Variants in FRMD3 observed in about 807,000 individuals in gnomAD.
FRMD3 encodes the protein FERM domain-containing protein 3.
In FRMD3, 33 loss-of-function variants were observed where a neutral mutation model predicts 70.2. That is an observed-to-expected ratio of 0.47 (90% confidence interval 0.36 to 0.63). The LOEUF is 0.63. FRMD3 is among the 20% of genes least tolerant of loss of function. The probability of loss-of-function intolerance (pLI) is 0.00; values close to 1 mark genes in which losing one functional copy is unlikely to be tolerated. For synonymous variants in FRMD3, 279 were observed against 255.9 expected (o/e 1.09, Z -0.86); for missense variants, 632 against 711.4 (o/e 0.89, Z 1.27).
At position 83,538,400 on chromosome 9, in the gene FRMD3, G is replaced by GCGGGCGGGTCCCTC. The variant is rs536402490; in HGVS notation, c.-170_-169insGAGGGACCCGCCCG. The GCGGGCGGGTCCCTC allele has an allele frequency of 2.7e-3, 1,282 of 475,314 alleles. 13 individuals carry two copies. The East Asian group carries it at 0.03, about 11-fold the overall frequency. 29.4% of individuals were successfully genotyped at this position (475,314 alleles called of 1,614,324 possible). A position where few individuals can be genotyped will look rare whatever the true frequency, so the allele number is the denominator to read the frequency against. The stretch of plus-strand genomic sequence containing the variant: ...ACACATGCCCAGCGGCCGGGGCGCG[G>GCGGGCGGGTCCCTC]CGGGCGGGTCCCTCCCTCTGTTCGC... On this transcript the variant is annotated 5_prime_UTR_variant, in exon 1 of 14. Transcript: ENST00000304195. The surrounding 1 kb of genome is among the most constrained non-coding windows in gnomAD (Gnocchi z 4.7).
At chr9:83,411,505 G>C (rs867135248) in intron 1 of FRMD3, among the ~76,000 whole-genome samples, 23 of 152,174 alleles carry the variant, frequency 1.5e-4, no homozygotes, top group African/African-American at 5.1e-4. Context: ...CATCCCTTGG[G>C]GGAAGAAAGA....
intron 1 of FRMD3, among the ~76,000 whole-genome samples, chr9:83,509,105 A>G (rs758692463): frequency 2.0e-5 from 3 of 151,926 alleles, no homozygotes; most frequent in African/African-American, 7.3e-5. Flanking sequence ...CTTCAGGAGA[A>G]TGTAAGCTCC....
chr9:83,353,678 T>C (rs1824238857), intron 3 of FRMD3, among the ~76,000 whole-genome samples: 1 of 152,214 alleles, frequency 6.6e-6, no homozygotes, highest in African/African-American at 2.4e-5. Context: ...GAAAAGTTTG[T>C]CATCTGGATC....
intron 3 of FRMD3, among the ~76,000 whole-genome samples, chr9:83,372,710 G>A (rs1587786411): frequency 6.6e-6 from 1 of 152,056 alleles, no homozygotes; most frequent in East Asian, 1.9e-4. Flanking sequence ...GAGAGGCCCA[G>A]GAGACTATAG....
At chr9:83,560,079 A>G in the FRMD3 span, among the ~76,000 whole-genome samples, 1 of 152,188 alleles carries the variant, frequency 6.6e-6, no homozygotes, top group African/African-American at 2.4e-5. Flanking sequence ...TGTCCACCAA[A>G]ATACATTATC....
intron 7 of FRMD3, 118 bp downstream of exon 7, chr9:83,313,542 G>T (rs1835444606): frequency 2.1e-5 from 16 of 768,890 alleles, no homozygotes; most frequent in Non-Finnish European, 3.6e-5. Context: ...TTCCAATGAG[G>T]GACCGTGGGC....
intron 1 of FRMD3, among the ~76,000 whole-genome samples, chr9:83,477,651 C>T (rs1352955511): frequency 6.6e-6 from 1 of 152,132 alleles, no homozygotes; most frequent in Non-Finnish European, 1.5e-5. Flanking sequence ...TTTGTCTCAT[C>T]CCCTAGGATT....
chr9:83,313,859 T>A, intron 6 of FRMD3, 112 bp from the exon 7 acceptor site: 1 of 773,956 alleles, frequency 1.3e-6, no homozygotes, highest in Non-Finnish European at 2.2e-6. Flanking sequence ...GAAAAACCCT[T>A]ACATAAATAG....
At chr9:83,464,847 G>A (rs780514328) in intron 1 of FRMD3, among the ~76,000 whole-genome samples, 4 of 151,856 alleles carry the variant, frequency 2.6e-5, no homozygotes, top group African/African-American at 9.7e-5. Context: ...AGCGAAACCC[G>A]ATCTCTACTA....
At chr9:83,399,767 C>G (rs1052664692) in intron 1 of FRMD3, among the ~76,000 whole-genome samples, 2 of 152,020 alleles carry the variant, frequency 1.3e-5, no homozygotes, top group East Asian at 3.8e-4. Context: ...AAATAACTTC[C>G]TCAACTTGAT....
At chr9:83,279,423 G>A (rs1218053452) in intron 13 of FRMD3, 1 of 152,056 alleles carries the variant, frequency 6.6e-6, no homozygotes, top group Non-Finnish European at 1.5e-5. Context: ...AAAAGAAGAT[G>A]GCACCATTTG....
intron 1 of FRMD3, among the ~76,000 whole-genome samples, chr9:83,509,193 T>C (rs1472876027): frequency 6.6e-6 from 1 of 152,238 alleles, no homozygotes; most frequent in Admixed American, 6.5e-5. Flanking sequence ...ACAGAGCAGA[T>C]ACTCAGTCAC....
At chr9:83,491,720 C>G (rs1302428358) in intron 1 of FRMD3, among the ~76,000 whole-genome samples, 1 of 152,204 alleles carries the variant, frequency 6.6e-6, no homozygotes, top group Non-Finnish European at 1.5e-5. Context: ...CGGATGCCTC[C>G]TGACCTGACC....
intron 13 of FRMD3, among the ~76,000 whole-genome samples, chr9:83,272,363 C>G (rs1833592698): frequency 6.6e-6 from 1 of 152,134 alleles, no homozygotes; most frequent in Non-Finnish European, 1.5e-5. Context: ...CAGCCTTGGC[C>G]TCCCGAGGTG....
the FRMD3 span, among the ~76,000 whole-genome samples, chr9:83,550,390 C>T: frequency 1.3e-5 from 2 of 151,890 alleles, no homozygotes; most frequent in South Asian, 2.1e-4. Flanking sequence ...GATTCCCCCA[C>T]CTTTGTTCTT....
intron 3 of FRMD3, among the ~76,000 whole-genome samples, chr9:83,371,888 G>C (rs1349290232): frequency 6.6e-6 from 1 of 152,182 alleles, no homozygotes. Flanking sequence ...GGACAGGGAG[G>C]CAGGGAAAAA....
At chr9:83,507,935 T>C (rs1829242374) in intron 1 of FRMD3, among the ~76,000 whole-genome samples, 1 of 151,802 alleles carries the variant, frequency 6.6e-6, no homozygotes, top group Admixed American at 6.6e-5. Flanking sequence ...TACATAATTA[T>C]ATGTGCTATA....
intron 1 of FRMD3, among the ~76,000 whole-genome samples, chr9:83,528,737 A>G (rs1171369553): frequency 6.6e-6 from 1 of 152,096 alleles, no homozygotes; most frequent in Non-Finnish European, 1.5e-5. Flanking sequence ...CATGTTGCCC[A>G]GGCTGGTCTC....
intron 1 of FRMD3, among the ~76,000 whole-genome samples, chr9:83,510,083 C>T (rs1427692166): frequency 2.0e-5 from 3 of 152,082 alleles, no homozygotes; most frequent in Non-Finnish European, 2.9e-5. Context: ...GTGTGAAGTT[C>T]GGGGCAGTGG....
Sources: gnomAD v4.1 joint callset for allele counts (sites outside exome capture counted in the v4.1 genomes callset) on GRCh38, gnomAD v4.1.1 for gene constraint, Gnocchi (gnomAD v3.1) non-coding constraint, MANE v1.5 for transcripts, NCBI Gene and HGNC (gene_info 2026-07-23, HGNC 2026-07-21) for gene names.